Variants in NPSR1 observed in about 807,000 individuals in gnomAD.
NPSR1 encodes neuropeptide S receptor.
In NPSR1, 48 loss-of-function variants were observed where a neutral mutation model predicts 46.9. The ratio of observed to expected loss-of-function variants is 1.02; its 90% CI spans 0.81 to 1.30. NPSR1 has a LOEUF of 1.30. Ranked by LOEUF, NPSR1 falls within the 50% of genes most tolerant of loss-of-function variation. The probability of loss-of-function intolerance (pLI) is 0.00; values close to 1 mark genes in which losing one functional copy is unlikely to be tolerated. For missense variants in NPSR1, 450 were observed against 449.5 expected (o/e 1.00, Z -0.01); for synonymous variants, 176 against 168.1 (o/e 1.05, Z -0.36).
chr7:34,704,012 A>C (rs1337066165), intron 2 of NPSR1: 1 of 152,254 alleles, frequency 6.6e-6, no homozygotes, highest in Non-Finnish European at 1.5e-5. Flanking sequence ...GCTTCAAAGC[A>C]CTTTCTGAAG....
intron 4 of NPSR1, among the ~76,000 whole-genome samples, chr7:34,825,410 C>G (rs1789777299): frequency 6.6e-6 from 1 of 152,238 alleles, no homozygotes; most frequent in Non-Finnish European, 1.5e-5. Flanking sequence ...ACTCACAGAG[C>G]TTGACATGTT....
chr7:34,772,846 A>G (rs1786752285), intron 2 of NPSR1, among the ~76,000 whole-genome samples: 1 of 152,092 alleles, frequency 6.6e-6, no homozygotes, highest in Non-Finnish European at 1.5e-5. Context: ...TCATTGTGTA[A>G]AAACAGCTCT....
At chr7:34,852,248 C>T (rs938814546), downstream of NPSR1, among the ~76,000 whole-genome samples, 17 of 151,816 alleles carry the variant, frequency 1.1e-4, no homozygotes, top group Non-Finnish European at 2.2e-4. Context: ...TGCAGTGAGC[C>T]GAGATCACGT....
At chr7:34,837,072 T>G (rs961249925) in intron 6 of NPSR1, among the ~76,000 whole-genome samples, 1 of 152,188 alleles carries the variant, frequency 6.6e-6, no homozygotes, top group African/African-American at 2.4e-5. Flanking sequence ...ATGGAAAATA[T>G]CAAGAAGCTA....
intron 5 of NPSR1, among the ~76,000 whole-genome samples, chr7:34,832,523 A>G (rs1386830551): frequency 1.3e-5 from 2 of 152,156 alleles, no homozygotes; most frequent in Non-Finnish European, 2.9e-5. Context: ...CCAAAAAAAA[A>G]TGGGGACACA....
At chr7:34,805,113 C>T (rs112594482) in intron 3 of NPSR1, among the ~76,000 whole-genome samples, 2 of 151,852 alleles carry the variant, frequency 1.3e-5, no homozygotes, top group Admixed American at 6.6e-5. Flanking sequence ...TTCTGCCCAA[C>T]GTGATCTATA....
At chr7:34,781,959 C>T (rs999155692) in intron 3 of NPSR1, among the ~76,000 whole-genome samples, 13 of 152,302 alleles carry the variant, frequency 8.5e-5, no homozygotes, top group Admixed American at 5.9e-4. Context: ...TAATTCTGTG[C>T]ATACCTGTGC....
At chr7:34,698,758 T>G (rs1196154123) in intron 2 of NPSR1, among the ~76,000 whole-genome samples, 3 of 152,216 alleles carry the variant, frequency 2.0e-5, no homozygotes, top group African/African-American at 7.2e-5. Flanking sequence ...TACAATGGTT[T>G]AGACAAATCA....
intron 2 of NPSR1, chr7:34,750,538 G>A (rs889974690): frequency 3.0e-5 from 21 of 697,514 alleles, no homozygotes; most frequent in Non-Finnish European, 5.4e-5. Flanking sequence ...TACCTGCTTG[G>A]TTAATCTCAA....
intron 8 of NPSR1, among the ~76,000 whole-genome samples, chr7:34,861,751 C>T (rs936694886): frequency 1.8e-4 from 28 of 151,954 alleles, no homozygotes; most frequent in Admixed American, 1.7e-3. Flanking sequence ...GCTAAGCATG[C>T]TTGGTTTATT....
intron 2 of NPSR1, among the ~76,000 whole-genome samples, chr7:34,733,872 C>T (rs1421330428): frequency 6.6e-6 from 1 of 152,116 alleles, no homozygotes; most frequent in Non-Finnish European, 1.5e-5. Context: ...CTTACGAATG[C>T]CGAGGACTAC....
chr7:34,861,352 T>C (rs1169674117), intron 8 of NPSR1, among the ~76,000 whole-genome samples: 1 of 151,864 alleles, frequency 6.6e-6, no homozygotes, highest in Non-Finnish European at 1.5e-5. Flanking sequence ...TATCTGCTTG[T>C]CCAACATCCT....
chr7:34,678,769 TG>T (rs1358714542), intron 1 of NPSR1, among the ~76,000 whole-genome samples: 1 of 149,452 alleles, frequency 6.7e-6, no homozygotes, highest in East Asian at 2.0e-4. Context: ...GAGCTTGCAG[TG>T]AGCCGAGATT....
At chr7:34,730,877 T>G (rs905507115) in intron 2 of NPSR1, among the ~76,000 whole-genome samples, 8 of 152,058 alleles carry the variant, frequency 5.3e-5, no homozygotes, top group South Asian at 2.1e-4. Context: ...AAAAAGTGAG[T>G]GCCTGGACAG....
At chr7:34,796,087 T>C (rs1337865455) in intron 3 of NPSR1, among the ~76,000 whole-genome samples, 3 of 151,934 alleles carry the variant, frequency 2.0e-5, no homozygotes, top group Non-Finnish European at 4.4e-5. Flanking sequence ...AGCCCAGAAA[T>C]AGTCTGGCAA....
intron 8 of NPSR1, 170 bp from the exon 9 acceptor site, chr7:34,849,395 G>T: frequency 6.4e-7 from 1 of 1,554,718 alleles, no homozygotes; most frequent in Non-Finnish European, 8.7e-7. Context: ...CCAGTGAGAA[G>T]GAGAGCTGTG....
At chr7:34,766,790 G>T (rs1267445776) in intron 2 of NPSR1, among the ~76,000 whole-genome samples, 1 of 152,044 alleles carries the variant, frequency 6.6e-6, no homozygotes, top group East Asian at 1.9e-4. Context: ...AGCCAGGATG[G>T]TCTCGATCTC....
At chr7:34,685,710 T>A (rs740623) in intron 2 of NPSR1, 99,638 of 425,972 alleles carry the variant, frequency 0.23, 12,567 homozygotes, top group South Asian at 0.32. Flanking sequence ...TAGCCATACA[T>A]TGTTAGTAAC....
rs577186339 is a variant in NPSR1 at position 34,823,399 on chromosome 7, G to GAAAAAAAAAAAAAAAAAAAAAA, written c.479-3985_479-3984insAAAAAAAAAAAAAAAAAAAAAA. Among the ~76,000 whole-genome samples the GAAAAAAAAAAAAAAAAAAAAAA allele has an allele frequency of 8.5e-4, 58 of 68,122 alleles. 1 individual carries two copies. Among genetic ancestry groups the GAAAAAAAAAAAAAAAAAAAAAA allele is most frequent in the East Asian group, 1.8e-3 (3 of 1,676 alleles). 44.7% of individuals were successfully genotyped at this position (68,122 alleles called of 152,430 possible). A position where few individuals can be genotyped will look rare whatever the true frequency, so the allele number is the denominator to read the frequency against. ...TTGGCAACAGAGCAAGACTTCACCA[G>GAAAAAAAAAAAAAAAAAAAAAA]AAAAAAAAAAAAAAAAACAACACCA... On this transcript the variant is annotated intron_variant, in intron 4 of 8. Transcript: ENST00000360581.
Sources: gnomAD v4.1 joint callset for allele counts (sites outside exome capture counted in the v4.1 genomes callset) on GRCh38, gnomAD v4.1.1 for gene constraint, MANE v1.5 for transcripts, NCBI Gene and HGNC (gene_info 2026-07-23, HGNC 2026-07-21) for gene names.